The following SLC7A5 variants were observed in gnomAD, a reference collection of about 807,000 sequenced individuals.
The protein encoded by SLC7A5 is large neutral amino acids transporter small subunit 1.
A neutral mutation model predicts 50.2 loss-of-function variants in SLC7A5; 23 were observed. The observed-to-expected ratio is 0.46, with a 90% CI of 0.33 to 0.65. The LOEUF is 0.65. Ranked by LOEUF, SLC7A5 falls within the 30% of genes least tolerant of loss-of-function variation. The pLI is 0.02. For synonymous variants in SLC7A5, 393 were observed against 330.6 expected (o/e 1.19, Z -2.05); for missense variants, 578 against 684.4 (o/e 0.84, Z 1.73).
At chr16:87,859,913 A>AAAAAC (rs60586708) in intron 1 of SLC7A5, among the ~76,000 whole-genome samples, 12,327 of 151,108 alleles carry the variant, frequency 0.082, 658 homozygotes, top group African/African-American at 0.16. Context: ...CCTGGGTGAC[A>AAAAAC]AAAACAAAAC....
chr16:87,867,736 A>C (rs1184839174), intron 1 of SLC7A5, among the ~76,000 whole-genome samples: 2 of 152,128 alleles, frequency 1.3e-5, no homozygotes, highest in Non-Finnish European at 2.9e-5. Context: ...TGAATCTGAG[A>C]ATTGCCAAGA....
chr16:87,842,777 CCAGGTGGTCAG>C (rs572093898), intron 2 of SLC7A5, among the ~76,000 whole-genome samples: 6 of 152,326 alleles, frequency 3.9e-5, no homozygotes, highest in African/African-American at 1.4e-4. Flanking sequence ...ATTCTGGTCA[CCAGGTGGTCAG>C]CAGGCGGAGC....
At chr16:87,866,934 G>A (rs137892678) in intron 1 of SLC7A5, among the ~76,000 whole-genome samples, 3,361 of 152,038 alleles carry the variant, frequency 0.022, 34 homozygotes, top group African/African-American at 0.03. Context: ...AGCACCCAGG[G>A]GCTGCTTTTT....
chr16:87,849,454 G>A (rs2055192560), intron 2 of SLC7A5, among the ~76,000 whole-genome samples: 1 of 152,194 alleles, frequency 6.6e-6, no homozygotes, highest in Non-Finnish European at 1.5e-5. Flanking sequence ...AACCTATTAT[G>A]TATTCAAGTC....
In SLC7A5 at chr16:87,833,115, GC is replaced by G; in HGVS notation, c.1469-91del. On this transcript the variant is annotated intron_variant, in intron 9 of 9. Transcript: ENST00000261622. The surrounding 1 kb of genome is among the most constrained non-coding windows in gnomAD (Gnocchi z 6.0). The stretch of plus-strand genomic sequence containing the variant: ...CGTGAGCTGGGGCTCCCCCAGCCCT[GC>G]TGTCACCAAACCCAGCGCCGCTGCC... The G allele has an allele frequency of 3.7e-6, 4 of 1,084,256 alleles. No homozygotes were observed. Among genetic ancestry groups the G allele is most frequent in the Non-Finnish European group, 5.7e-6 (4 of 698,956 alleles). The allele number at this position is 1,084,256 out of a possible 1,614,324, so 67.2% of individuals were successfully genotyped here. A position where few individuals can be genotyped will look rare whatever the true frequency, so the allele number is the denominator to read the frequency against.
rs1417503307 is a variant in SLC7A5, at chr16:87,849,176, G to C, written c.664+2548C>G. ...CTGCCTTGAAGTATCTGGGGGCGCT[G>C]CTGCCAGGTGCCAGCGAGGGGAGGG... On this transcript the variant is annotated intron_variant, in intron 2 of 9. Coordinates refer to ENST00000261622, the MANE Select transcript of SLC7A5 (RefSeq NM_003486.7). Among the ~76,000 whole-genome samples, 5 of 152,238 alleles carry C rather than the reference G, an allele frequency of 3.3e-5. No homozygotes were observed. The East Asian group carries it at 9.6e-4, about 29-fold the overall frequency.
At chr16:87,835,678 G>A (rs984026146) in intron 8 of SLC7A5, among the ~76,000 whole-genome samples, 2 of 152,096 alleles carry the variant, frequency 1.3e-5, no homozygotes, top group Non-Finnish European at 2.9e-5. Context: ...GTTTCACCGT[G>A]TTAGCCAGGA....
At position 87,841,833 on chromosome 16, in the gene SLC7A5, A is replaced by G. The variant is rs973385230; in HGVS notation, c.665-678T>C. On this transcript the variant is annotated intron_variant, in intron 2 of 9. Coordinates refer to ENST00000261622, the MANE Select transcript of SLC7A5 (RefSeq NM_003486.7). The surrounding 1 kb of genome is among the most constrained non-coding windows in gnomAD (Gnocchi z 4.8). ...CTTCGTGACTGCTCCACCCTATTCCAGAAGGACCTCATTTCAAAACTTGAA... is the reference window on the plus strand; with the variant it reads ...CTTCGTGACTGCTCCACCCTATTCCGGAAGGACCTCATTTCAAAACTTGAA... Among the ~76,000 whole-genome samples, 6 of 152,234 alleles carry G rather than the reference A, an allele frequency of 3.9e-5. No individual in the cohort carries two copies. The highest frequency in any genetic ancestry group is 1.4e-4 in the African/African-American group (6 of 41,460).
chr16:87,867,160 T>C (rs2055472623), intron 1 of SLC7A5, among the ~76,000 whole-genome samples: 1 of 152,214 alleles, frequency 6.6e-6, no homozygotes, highest in South Asian at 2.1e-4. Context: ...CCTCGGTAGA[T>C]CCGCCCGTCT....
rs2055007398 is a variant in SLC7A5, at chr16:87,836,634, A to G, written c.1154T>C (p.Leu385Pro). 6.2e-7 allele frequency: 1 copy of G among 1,612,726 alleles called. No individual in the cohort carries two copies. The highest frequency in any genetic ancestry group is 8.5e-7 in the Non-Finnish European group (1 of 1,180,024). Residue 385 changes from leucine (L) to proline (P), a missense_variant, in exon 8 of 10, where the codon CTG becomes CCG. Coordinates refer to ENST00000261622, the MANE Select transcript of SLC7A5 (RefSeq NM_003486.7). ...PSLVFTCVMT[L>P]LYAFSKDIFS... is the part of the protein sequence containing the mutation. ...GATGTCCTTGGAGAAGGCGTAGAGC[A>G]GCGTCATCACACACTGGAAGAGAGA...
At chr16:87,837,494 G>C (rs2143720257) in intron 7 of SLC7A5, 1 of 311,402 alleles carries the variant, frequency 3.2e-6, no homozygotes, top group Non-Finnish European at 6.1e-6. Flanking sequence ...AGATGCAGGA[G>C]AAGCGGAAGG....
In SLC7A5 at chr16:87,839,370, C is replaced by A. The variant is rs1180209831; in HGVS notation, c.939+332G>T. Among the ~76,000 whole-genome samples the A allele has an allele frequency of 3.3e-5, 5 of 152,244 alleles. No individual in the cohort carries two copies. The East Asian group carries it at 9.6e-4, about 29-fold the overall frequency. On this transcript the variant is annotated intron_variant, in intron 5 of 9. Transcript: ENST00000261622. ...CACTCTGTGGCAGACTCCAATCTTT[C>A]TGTACTCAGATTTAAAATGACCTCT... is the stretch of plus-strand genomic sequence containing the variant.
chr16:87,845,339 T>A (rs575206527), intron 2 of SLC7A5, among the ~76,000 whole-genome samples: 1 of 152,216 alleles, frequency 6.6e-6, no homozygotes, highest in African/African-American at 2.4e-5. Flanking sequence ...TGGAGCTAGC[T>A]GCCCTGTGGG....
At chr16:87,865,095 G>A (rs2055443961) in intron 1 of SLC7A5, among the ~76,000 whole-genome samples, 1 of 152,072 alleles carries the variant, frequency 6.6e-6, no homozygotes, top group South Asian at 2.1e-4. Flanking sequence ...GGGTCTGCCT[G>A]TTCAGAGAAC....
Position 87,841,752 on chromosome 16 carries a change from C to T in SLC7A5, c.665-597G>A, listed in dbSNP as rs529651200. 2.2e-4 allele frequency among the ~76,000 whole-genome samples: 33 copies of T among 152,360 alleles called. No individual in the cohort carries two copies. The highest frequency in any genetic ancestry group is 7.9e-4 in the African/African-American group (33 of 41,576). ...CAGGGCTGCCAGGGCCGAGAACGAT[C>T]CCCGTGCTGTGTGCAGAGCTCTCTC... is the stretch of plus-strand genomic sequence containing the variant. On this transcript the variant is annotated intron_variant, in intron 2 of 9. Coordinates refer to ENST00000261622, the MANE Select transcript of SLC7A5 (RefSeq NM_003486.7). The surrounding 1 kb of genome is among the most constrained non-coding windows in gnomAD (Gnocchi z 4.8).
In SLC7A5 at chr16:87,838,760, G is replaced by T; in HGVS notation, c.997C>A (p.Leu333Met). The T allele has an allele frequency of 6.2e-7, 1 of 1,614,084 alleles. No homozygotes were observed. Among genetic ancestry groups the T allele is most frequent in the Non-Finnish European group, 8.5e-7 (1 of 1,180,018 alleles). ...CCATTGACGGAGCCGAAGCAGGACA[G>T]GCCCACGAAGACGGGGATGATCCAG... is the stretch of plus-strand genomic sequence containing the variant. The part of the protein sequence containing the change: ...MSWIIPVFVG[L>M]SCFGSVNGSL... Residue 333 changes from leucine (L) to methionine (M), a missense_variant, in exon 6 of 10, where the codon CTG becomes ATG. This residue lies in a region of SLC7A5 where 465 missense variants were observed against 594.6 expected (regional missense o/e 0.78). Transcript: ENST00000261622.
At position 87,836,656 on chromosome 16, in the gene SLC7A5, G is replaced by C. The variant is rs770352964; in HGVS notation, c.1141-9C>G. 1.2e-6 allele frequency: 2 copies of C among 1,611,222 alleles called. No individual in the cohort carries two copies. Among genetic ancestry groups the C allele is most frequent in the African/African-American group, 1.3e-5 (1 of 75,078 alleles). ...AGCAGCGTCATCACACACTGGAAGAGAGAGGCGGCTGGCTGAGCCCTGGGG... is the reference window on the plus strand; with the variant it reads ...AGCAGCGTCATCACACACTGGAAGACAGAGGCGGCTGGCTGAGCCCTGGGG... On this transcript the variant is annotated splice_polypyrimidine_tract_variant and intron_variant, in intron 7 of 9. Coordinates refer to ENST00000261622, the MANE Select transcript of SLC7A5 (RefSeq NM_003486.7).
At chr16:87,846,653 C>A (rs546100062) in intron 2 of SLC7A5, among the ~76,000 whole-genome samples, 1 of 152,304 alleles carries the variant, frequency 6.6e-6, no homozygotes, top group East Asian at 1.9e-4. Flanking sequence ...AGGCCGAGCA[C>A]CCCGCCCAGG....
chr16:87,869,307 C>A lies in SLC7A5; in HGVS notation c.116G>T (p.Gly39Val), dbSNP rs1370539714. ...AKSADGSAPA[G>V]EGEGVTLQRN... The stretch of plus-strand genomic sequence containing the variant: ...CTGCAGGGTCACGCCCTCGCCCTCG[C>A]CTGCCGGCGCCGAGCCGTCCGCGCT... The change falls in exon 1 of 10, where the codon GGC (glycine) becomes GTC (valine). Residue 39 changes from glycine (G) to valine (V), a missense_variant. Physicochemically the swap from Gly to Val is moderately radical, Grantham distance 109 (BLOSUM62 -3). Coordinates refer to ENST00000261622, the MANE Select transcript of SLC7A5 (RefSeq NM_003486.7). 1 of 1,611,208 alleles carries A rather than the reference C, an allele frequency of 6.2e-7. No individual in the cohort carries two copies. The highest frequency in any genetic ancestry group is 8.5e-7 in the Non-Finnish European group (1 of 1,179,642).
Sources: allele counts gnomAD v4.1 joint callset (sites outside exome capture counted in the v4.1 genomes callset), GRCh38; gene constraint gnomAD v4.1.1; regional missense constraint gnomAD v4.1.1; non-coding constraint Gnocchi (gnomAD v3.1); transcripts MANE v1.5; gene names NCBI Gene and HGNC (gene_info 2026-07-23, HGNC 2026-07-21).